Variants in NSMF observed in about 807,000 individuals in gnomAD.
The protein encoded by NSMF is NMDA receptor synaptonuclear signaling and neuronal migration factor, also known as nasal embryonic LHRH factor.
NSMF carries 31 observed loss-of-function variants against 71.0 expected under a neutral mutation model. The ratio of observed to expected loss-of-function variants is 0.44; its 90% CI spans 0.33 to 0.59. The LOEUF (loss-of-function observed/expected upper bound fraction) is 0.59. Among genes scored for constraint, NSMF ranks in the 20% least tolerant of loss-of-function variants. The probability of loss-of-function intolerance (pLI) is 0.04; values close to 1 mark genes in which losing one functional copy is unlikely to be tolerated. For synonymous variants in NSMF, 345 were observed against 287.1 expected (o/e 1.20, Z -2.04); for missense variants, 673 against 740.5 (o/e 0.91, Z 1.06).
Position 137,456,398 on chromosome 9 carries a change from G to A in NSMF, c.704+13C>T. ...ACCCAACCCTGACCCCAAGTCGTGG[G>A]CACAAGACTCACGCTTGCATAGTTG... On this transcript the variant is annotated intron_variant, in intron 4 of 15. Coordinates refer to ENST00000371475, the MANE Select transcript of NSMF (RefSeq NM_001130969.3). 6.2e-7 allele frequency: 1 copy of A among 1,607,038 alleles called. No homozygotes were observed. Among genetic ancestry groups the A allele is most frequent in the Non-Finnish European group, 8.5e-7 (1 of 1,174,298 alleles).
In NSMF at chr9:137,449,585, C is replaced by A. The variant is rs1439002874; in HGVS notation, c.1495+14G>T. ...CAGTGGCTGCAGAGCTTCGGCCCAG[C>A]CTGGGTAACTCACCTTGGGCTGAGA... is the stretch of plus-strand genomic sequence containing the variant. On this transcript the variant is annotated intron_variant, in intron 15 of 15. Transcript: ENST00000371475. 6.2e-7 allele frequency: 1 copy of A among 1,611,946 alleles called. No individual in the cohort carries two copies. Among genetic ancestry groups the A allele is most frequent in the African/African-American group, 1.3e-5 (1 of 74,900 alleles).
chr9:137,452,365 C>G lies in NSMF; in HGVS notation c.1236G>C (p.Gln412His). The G allele has an allele frequency of 6.2e-7, 1 of 1,612,006 alleles. No individual in the cohort carries two copies. Among genetic ancestry groups the G allele is most frequent in the Non-Finnish European group, 8.5e-7 (1 of 1,179,784 alleles). The change falls in exon 12 of 16, where the codon CAG becomes CAC. Residue 412 changes from glutamine (Q) to histidine (H), a missense_variant and splice_region_variant. By Grantham distance (24) the Gln-to-His change is conservative. This residue lies in a region of NSMF where 202 missense variants were observed against 280.8 expected (regional missense o/e 0.72). Transcript: ENST00000371475. Reference sequence around the variant, plus strand: ...TCAGGAGACGAGCACTGAGCCCCACCTGGCAGAAAATCAGCATTTTCCAGA... The same window carrying G: ...TCAGGAGACGAGCACTGAGCCCCACGTGGCAGAAAATCAGCATTTTCCAGA... ...AKIWKMLIFC[Q>H]GGPGHLYLLK...
At chr9:137,458,728 C>A (rs1187246482) in intron 1 of NSMF, among the ~76,000 whole-genome samples, 179 bp from the exon 2 acceptor site, 1 of 152,158 alleles carries the variant, frequency 6.6e-6, no homozygotes, top group Non-Finnish European at 1.5e-5. Context: ...GCCAGGCCTG[C>A]AGGCCCGGCC....
At position 137,449,386 on chromosome 9, in the gene NSMF, T is replaced by C. The variant is rs777948967; in HGVS notation, c.*8A>G. On this transcript the variant is annotated 3_prime_UTR_variant, in exon 16 of 16. Transcript: ENST00000371475. ...GCCTGATGGTGACTGGGCGGAGGCCTCTGCCCCTCACAGGACGTCGTCAAA... is the reference window on the plus strand; with the variant it reads ...GCCTGATGGTGACTGGGCGGAGGCCCCTGCCCCTCACAGGACGTCGTCAAA... 6.2e-7 allele frequency: 1 copy of C among 1,611,054 alleles called. No individual in the cohort carries two copies. The highest frequency in any genetic ancestry group is 1.1e-5 in the South Asian group (1 of 91,032).
In NSMF at chr9:137,450,153, GCCCAGGGCA is replaced by G. The variant is rs1564257945; in HGVS notation, c.1316+14_1316+22del. 14 of 1,610,046 alleles carry G rather than the reference GCCCAGGGCA, an allele frequency of 8.7e-6. No homozygotes were observed. Among genetic ancestry groups the G allele is most frequent in the African/African-American group, 1.3e-5 (1 of 74,788 alleles). On this transcript the variant is annotated intron_variant, in intron 13 of 15. Transcript: ENST00000371475. Reference sequence around the variant, plus strand: ...GGACTCTGCCTCCAGCCCTCCCCGCGCCCAGGGCACCCGGCTTCTCACTGAATCATGTCC... The same window carrying G: ...GGACTCTGCCTCCAGCCCTCCCCGCGCCCGGCTTCTCACTGAATCATGTCC...
At chr9:137,452,895 T>C (rs955983481) in intron 9 of NSMF, 76 bp from the exon 10 acceptor site, 2 of 1,548,130 alleles carry the variant, frequency 1.3e-6, no homozygotes, top group Non-Finnish European at 1.8e-6. Flanking sequence ...CCCATGAGGC[T>C]ACCTTCTGGC....
Position 137,453,023 on chromosome 9 carries a change from G to T in NSMF, c.1047+33C>A, listed in dbSNP as rs1412844749. The T allele has an allele frequency of 6.2e-7, 1 of 1,611,100 alleles. No homozygotes were observed. The highest frequency in any genetic ancestry group is 8.5e-7 in the Non-Finnish European group (1 of 1,179,862). ...GGGTTGGGGCGGAGTCCTGCTCGGG[G>T]TGTAGAGGAGCACTGCCCGGGCTGG... On this transcript the variant is annotated intron_variant, in intron 9 of 15. Coordinates refer to ENST00000371475, the MANE Select transcript of NSMF (RefSeq NM_001130969.3). The surrounding 1 kb of genome is among the most constrained non-coding windows in gnomAD (Gnocchi z 4.5).
Position 137,454,423 on chromosome 9 carries a change from C to T in NSMF, c.800G>A (p.Arg267His). The change falls in exon 7 of 16, where the codon CGC becomes CAC. Residue 267 changes from arginine (R) to histidine (H), a missense_variant. This residue lies in a region of NSMF where 471 missense variants were observed against 459.6 expected (regional missense o/e 1.02). Transcript: ENST00000371475. ...VIQRNFRKHL[R>H]MVGSRRVKAQ... ...CTTCACCCTCCGGCTGCCGACCATG[C>T]GCAGGTGTTTGCGGAAGTTCCTGGG... 1 of 1,550,250 alleles carries T rather than the reference C, an allele frequency of 6.5e-7. No homozygotes were observed. Among genetic ancestry groups the T allele is most frequent in the Non-Finnish European group, 8.7e-7 (1 of 1,146,870 alleles).
chr9:137,456,368 A>C (rs1369241464), intron 4 of NSMF, 43 bp downstream of exon 4: 1 of 1,484,034 alleles, frequency 6.7e-7, no homozygotes, highest in Non-Finnish European at 9.4e-7. Context: ...CAGCAGAAAG[A>C]GACCACCCAA....
chr9:137,458,566 G>A lies in NSMF; in HGVS notation c.72-17C>T, dbSNP rs767132293. 1.5e-5 allele frequency: 24 copies of A among 1,584,836 alleles called. No individual in the cohort carries two copies. Among genetic ancestry groups the A allele is most frequent in the African/African-American group, 4.0e-5 (3 of 74,120 alleles). ...CGGGCTGCTCTGAGGGTGGACAGAG[G>A]GCACGGTCAGAGGCCACGGCACGAC... is the stretch of plus-strand genomic sequence containing the variant. On this transcript the variant is annotated splice_polypyrimidine_tract_variant and intron_variant, in intron 1 of 15. Coordinates refer to ENST00000371475, the MANE Select transcript of NSMF (RefSeq NM_001130969.3).
chr9:137,453,182 T>C lies in NSMF; in HGVS notation c.923-2A>G, dbSNP rs750230379. ...AGTGGGAGCTCTGCAGGTCACTGCC[T>C]GGGAAGCAAGAGGGTCACCAGGACA... On this transcript the variant is annotated splice_acceptor_variant, in intron 8 of 15. Coordinates refer to ENST00000371475, the MANE Select transcript of NSMF (RefSeq NM_001130969.3). LOFTEE classifies it high-confidence loss of function. This position sits in a 1 kb window ranked among gnomAD's most constrained non-coding sequence, Gnocchi z 4.5. 1 of 1,612,400 alleles carries C rather than the reference T, an allele frequency of 6.2e-7. No homozygotes were observed. The highest frequency in any genetic ancestry group is 8.5e-7 in the Non-Finnish European group (1 of 1,179,846).
intron 7 of NSMF, 42 bp downstream of exon 7, chr9:137,454,349 A>C (rs1830720971): frequency 6.5e-7 from 1 of 1,538,136 alleles, no homozygotes; most frequent in Middle Eastern, 1.9e-4. Flanking sequence ...CAACCAGCCA[A>C]GCGCAACGCC....
At chr9:137,456,312 C>T (rs1830831448) in intron 4 of NSMF, 99 bp downstream of exon 4, 2 of 999,022 alleles carry the variant, frequency 2.0e-6, no homozygotes, top group Non-Finnish European at 3.2e-6. Context: ...TCAGAAGCAG[C>T]CCCCCTGGTA....
rs1419196259 is a variant in NSMF, at chr9:137,447,862, TGA to T, written c.*1530_*1531del. The T allele has an allele frequency of 6.6e-6, 1 of 152,018 alleles. No homozygotes were observed. Among genetic ancestry groups the T allele is most frequent in the Non-Finnish European group, 1.5e-5 (1 of 68,018 alleles). 9.4% of individuals were successfully genotyped at this position (152,018 alleles called of 1,614,324 possible). A position where few individuals can be genotyped will look rare whatever the true frequency, so the allele number is the denominator to read the frequency against. ...TCTGGGCCCTGAGGACACCTGAGGT[TGA>T]GAGAGTGGCCCCCATCTGTGGCCAC... On this transcript the variant is annotated 3_prime_UTR_variant, in exon 16 of 16. Coordinates refer to ENST00000371475, the MANE Select transcript of NSMF (RefSeq NM_001130969.3).
At chr9:137,456,039 A>G (rs1348756658) in intron 4 of NSMF, among the ~76,000 whole-genome samples, 1 of 152,254 alleles carries the variant, frequency 6.6e-6, no homozygotes, top group African/African-American at 2.4e-5. Context: ...TGAAACTGTG[A>G]TGACCTATGG....
At position 137,455,305 on chromosome 9, in the gene NSMF, A is replaced by G. The variant is rs1353972706; in HGVS notation, c.713T>C (p.Val238Ala). 6.2e-7 allele frequency: 1 copy of G among 1,612,512 alleles called. No individual in the cohort carries two copies. Among genetic ancestry groups the G allele is most frequent in the Non-Finnish European group, 8.5e-7 (1 of 1,179,902 alleles). ...TATTTMQAIS[V>A]FRGYAERKRR... ...CTTCCTCTCCGCGTAGCCCCTGAACACCCTGGGAAACCACCGCGAGTCAGC... is the reference window on the plus strand; with the variant it reads ...CTTCCTCTCCGCGTAGCCCCTGAACGCCCTGGGAAACCACCGCGAGTCAGC... The change falls in exon 6 of 16, where the codon GTG (valine) becomes GCG (alanine). Residue 238 changes from valine (V) to alanine (A), a missense_variant and splice_region_variant. Coordinates refer to ENST00000371475, the MANE Select transcript of NSMF (RefSeq NM_001130969.3).
rs1233507947 is a variant in NSMF at position 137,454,409 on chromosome 9, G to A, written c.814C>T (p.Arg272Trp). The change falls in exon 7 of 16, where the codon CGG (arginine) becomes TGG (tryptophan). Residue 272 changes from arginine (R) to tryptophan (W), a missense_variant. Coordinates refer to ENST00000371475, the MANE Select transcript of NSMF (RefSeq NM_001130969.3). ...FRKHLRMVGS[R>W]RVKAQTFAER... ...GTCTTACTCTGGGCCTTCACCCTCC[G>A]GCTGCCGACCATGCGCAGGTGTTTG... 1.3e-6 allele frequency: 2 copies of A among 1,550,060 alleles called. No homozygotes were observed. Among genetic ancestry groups the A allele is most frequent in the Non-Finnish European group, 1.7e-6 (2 of 1,146,776 alleles).
rs764976288 is a variant in NSMF, at chr9:137,452,430, T to A, written c.1171A>T (p.Ile391Leu). 6.2e-7 allele frequency: 1 copy of A among 1,612,420 alleles called. No homozygotes were observed. Among genetic ancestry groups the A allele is most frequent in the South Asian group, 1.1e-5 (1 of 91,056 alleles). The change falls in exon 12 of 16, where the codon ATA (isoleucine) becomes TTA (leucine). Residue 391 changes from isoleucine to leucine, a missense_variant. By Grantham distance (5) the Ile-to-Leu change is conservative. This residue lies in a region of NSMF where 202 missense variants were observed against 280.8 expected (regional missense o/e 0.72). Coordinates refer to ENST00000371475, the MANE Select transcript of NSMF (RefSeq NM_001130969.3). ...HATFEDILEE[I>L]ERKLNVYHKG... ...TGGTAGACGTTCAGCTTCCTCTCTA[T>A]CTCCTCTGTGGGAGAGCGGGTGTGA...
chr9:137,457,750 C>T lies in NSMF; in HGVS notation c.285G>A (p.Glu95=), dbSNP rs532612156. 139 of 1,558,686 alleles carry T rather than the reference C, an allele frequency of 8.9e-5. No homozygotes were observed. In the African/African-American group the frequency reaches 1.6e-3, roughly 18 times the overall value. ...EEPSIRKPAG[E]GPQPRVYTIS... ...TGGTGTACACTCGAGGCTGAGGGCCCTCGCCTGCGGGCTTCCTAATGCTGG... is the reference window on the plus strand; with the variant it reads ...TGGTGTACACTCGAGGCTGAGGGCCTTCGCCTGCGGGCTTCCTAATGCTGG... Residue 95 remains glutamate (E), a synonymous_variant, in exon 3 of 16, where the codon GAG becomes GAA. Coordinates refer to ENST00000371475, the MANE Select transcript of NSMF (RefSeq NM_001130969.3).
Sources: gnomAD v4.1 joint callset for allele counts (sites outside exome capture counted in the v4.1 genomes callset) on GRCh38, gnomAD v4.1.1 for gene constraint, gnomAD v4.1.1 regional missense constraint, Gnocchi (gnomAD v3.1) non-coding constraint, MANE v1.5 for transcripts, NCBI Gene and HGNC (gene_info 2026-07-23, HGNC 2026-07-21) for gene names.